The following ARIH1 variants were observed in gnomAD, a reference collection of about 807,000 sequenced individuals.
ARIH1 encodes the protein E3 ubiquitin-protein ligase ARIH1.
In ARIH1, 8 loss-of-function variants were observed where a neutral mutation model predicts 85.0. That is an observed-to-expected ratio of 0.09 (90% confidence interval 0.06 to 0.17). The LOEUF is 0.17. Ranked by LOEUF, ARIH1 falls within the 10% of genes least tolerant of loss-of-function variation. The pLI, the probability that ARIH1 is intolerant of heterozygous loss-of-function variation, is 1.00. For missense variants in ARIH1, 311 were observed against 718.1 expected (o/e 0.43, Z 6.48); for synonymous variants, 238 against 253.6 (o/e 0.94, Z 0.59).
In ARIH1 at chr15:72,588,886, G is replaced by A. The variant is rs953627313; in HGVS notation, c.*5594G>A. On this transcript the variant is annotated 3_prime_UTR_variant, in exon 14 of 14. Transcript: ENST00000379887. ...ATACAGAGTCTGAGCAAAGGAAGTT[G>A]AGTGGTTATAAGCAAAACTGTCATT... 3.3e-5 allele frequency: 5 copies of A among 152,314 alleles called. No homozygotes were observed. In the East Asian group the frequency reaches 9.7e-4, roughly 29 times the overall value. 9.4% of individuals were successfully genotyped at this position (152,314 alleles called of 1,614,324 possible).
intron 1 of ARIH1, among the ~76,000 whole-genome samples, chr15:72,510,425 A>T (rs369657887): frequency 9.1e-4 from 139 of 152,240 alleles, no homozygotes; most frequent in African/African-American, 3.1e-3. Context: ...ATCCATTATT[A>T]ATTTTGTATT....
At chr15:72,507,924 A>C (rs2063933394) in intron 1 of ARIH1, among the ~76,000 whole-genome samples, 1 of 152,230 alleles carries the variant, frequency 6.6e-6, no homozygotes, top group Non-Finnish European at 1.5e-5. Context: ...TGGGAGTTCT[A>C]CAGATGTACT....
chr15:72,540,720 A>G (rs1567351135), intron 2 of ARIH1, among the ~76,000 whole-genome samples: 1 of 152,176 alleles, frequency 6.6e-6, no homozygotes, highest in East Asian at 1.9e-4. Context: ...CCTATACTCA[A>G]GAAGGTGAGG....
chr15:72,506,278 A>G (rs529392367), intron 1 of ARIH1, among the ~76,000 whole-genome samples: 5 of 143,146 alleles, frequency 3.5e-5, no homozygotes, highest in Admixed American at 7.5e-5. Context: ...TGCACCCGGG[A>G]GGTGGAGCTT....
At chr15:72,479,068 T>C (rs943520516) in intron 1 of ARIH1, among the ~76,000 whole-genome samples, 10 of 152,052 alleles carry the variant, frequency 6.6e-5, no homozygotes, top group Non-Finnish European at 1.5e-4. Context: ...CTCAAACTCC[T>C]GGCCTCAAGC....
chr15:72,506,872 G>A (rs1163808156), intron 1 of ARIH1, among the ~76,000 whole-genome samples: 1 of 151,382 alleles, frequency 6.6e-6, no homozygotes, highest in Non-Finnish European at 1.5e-5. Context: ...TTTTTACTTA[G>A]CTTTATCCTA....
Position 72,583,341 on chromosome 15 carries a change from C to G in ARIH1, c.*49C>G, listed in dbSNP as rs1420810539. ...TCTGAAAACTTTACCATCTAGAGTGCTCATGCAATTAAAACAAAACAAACA... is the reference window on the plus strand; with the variant it reads ...TCTGAAAACTTTACCATCTAGAGTGGTCATGCAATTAAAACAAAACAAACA... On this transcript the variant is annotated 3_prime_UTR_variant, in exon 14 of 14. Coordinates refer to ENST00000379887, the MANE Select transcript of ARIH1 (RefSeq NM_005744.5). The G allele has an allele frequency of 6.8e-7, 1 of 1,469,594 alleles. No homozygotes were observed. The highest frequency in any genetic ancestry group is 1.4e-5 in the African/African-American group (1 of 71,250). 91.0% of individuals were successfully genotyped at this position (1,469,594 alleles called of 1,614,324 possible).
chr15:72,566,072 C>T (rs1212372099), intron 7 of ARIH1, among the ~76,000 whole-genome samples: 1 of 152,068 alleles, frequency 6.6e-6, no homozygotes, highest in Non-Finnish European at 1.5e-5. Context: ...TTATACCTTG[C>T]CCAGTACCAT....
intron 2 of ARIH1, among the ~76,000 whole-genome samples, chr15:72,531,204 A>G (rs1189912526): frequency 6.6e-6 from 1 of 152,248 alleles, no homozygotes; most frequent in Non-Finnish European, 1.5e-5. Flanking sequence ...ATGAAATTTC[A>G]GCACGAAAGC....
At chr15:72,539,852 CCAAAGTGAG>C (rs1379804595) in intron 2 of ARIH1, among the ~76,000 whole-genome samples, 1 of 152,028 alleles carries the variant, frequency 6.6e-6, no homozygotes, top group African/African-American at 2.4e-5. Flanking sequence ...GGGATTTTGG[CCAAAGTGAG>C]CAGTTGAACA....
chr15:72,500,666 C>A (rs1366785044), intron 1 of ARIH1, among the ~76,000 whole-genome samples: 1 of 152,042 alleles, frequency 6.6e-6, no homozygotes, highest in Admixed American at 6.6e-5. Context: ...GTGCATGTAG[C>A]GTGCCAGATC....
chr15:72,561,239 T>C (rs1409127190), intron 5 of ARIH1, among the ~76,000 whole-genome samples: 1 of 152,082 alleles, frequency 6.6e-6, no homozygotes, highest in South Asian at 2.1e-4. Context: ...TGGGTAAAAG[T>C]AGACTATTTA....
At chr15:72,580,102 C>T (rs999476509) in intron 11 of ARIH1, among the ~76,000 whole-genome samples, 17 of 152,238 alleles carry the variant, frequency 1.1e-4, no homozygotes, top group Non-Finnish European at 2.1e-4. Context: ...CCTCTATCCC[C>T]GCAAGCCTCT....
At chr15:72,540,174 G>T (rs2064100391) in intron 2 of ARIH1, among the ~76,000 whole-genome samples, 1 of 149,958 alleles carries the variant, frequency 6.7e-6, no homozygotes, top group Admixed American at 6.7e-5. Flanking sequence ...AGGAGAATCG[G>T]TTGAACCTGG....
rs531708516 is a variant in ARIH1, at chr15:72,589,245, A to G, written c.*5953A>G. 6.6e-6 allele frequency: 1 copy of G among 152,338 alleles called. No homozygotes were observed. The highest frequency in any genetic ancestry group is 2.1e-4 in the South Asian group (1 of 4,826). 9.4% of individuals were successfully genotyped at this position (152,338 alleles called of 1,614,324 possible). Reference sequence around the variant, plus strand: ...AAAAGTTACACATTGAGTGTATAACAGGGCCATGCTTGTCTGATTCCATAT... The same window carrying G: ...AAAAGTTACACATTGAGTGTATAACGGGGCCATGCTTGTCTGATTCCATAT... On this transcript the variant is annotated 3_prime_UTR_variant, in exon 14 of 14. Transcript: ENST00000379887.
intron 1 of ARIH1, 100 bp from the exon 2 acceptor site, chr15:72,517,967 G>T: frequency 1.3e-6 from 1 of 751,868 alleles, no homozygotes; most frequent in Non-Finnish European, 2.2e-6. Flanking sequence ...ATGGAAATTT[G>T]GGTGGAGTAT....
At chr15:72,572,719 T>C (rs1429126065) in intron 11 of ARIH1, among the ~76,000 whole-genome samples, 1 of 152,226 alleles carries the variant, frequency 6.6e-6, no homozygotes, top group Admixed American at 6.5e-5. Context: ...TCAAGATCCC[T>C]CCTACCCCAA....
At chr15:72,477,225 C>G (rs879503746) in intron 1 of ARIH1, among the ~76,000 whole-genome samples, 2 of 152,000 alleles carry the variant, frequency 1.3e-5, no homozygotes, top group East Asian at 1.9e-4. Flanking sequence ...TTAAATTGCC[C>G]CTCGCTTTTT....
rs578206215 is a variant in ARIH1, at chr15:72,564,765, G to A, written c.911+1265G>A. Among the ~76,000 whole-genome samples the A allele has an allele frequency of 3.8e-4, 58 of 152,246 alleles. 1 individual carries two copies. The South Asian group carries it at 1.0e-2, about 26-fold the overall frequency. On this transcript the variant is annotated intron_variant, in intron 7 of 13. Transcript: ENST00000379887. ...GGTGCCAAAAGATTTGTTGTCTGGC[G>A]AGGGCCTGCTTTTCTGGTTCATAGA...
Sources: gnomAD v4.1 joint callset for allele counts (sites outside exome capture counted in the v4.1 genomes callset) on GRCh38, gnomAD v4.1.1 for gene constraint, MANE v1.5 for transcripts, NCBI Gene and HGNC (gene_info 2026-07-23, HGNC 2026-07-21) for gene names.